Variants in TMEM80 observed in about 807,000 individuals in gnomAD.
The protein encoded by TMEM80 is transmembrane protein 80.
In TMEM80, 16 loss-of-function variants were observed where a neutral mutation model predicts 13.6. The ratio of observed to expected loss-of-function variants is 1.17; its 90% confidence interval spans 0.79 to 1.78. The LOEUF (loss-of-function observed/expected upper bound fraction) is 1.78, where lower values mean the gene tolerates loss of function less well. TMEM80 is among the 40% of genes most tolerant of loss of function. TMEM80 has a pLI of 0.00. For synonymous variants in TMEM80, 92 were observed against 89.5 expected (o/e 1.03, Z -0.16); for missense variants, 167 against 184.6 (o/e 0.90, Z 0.55).
chr11:699,038 T>A, intron 2 of TMEM80, 150 bp downstream of exon 2: 1 of 895,392 alleles, frequency 1.1e-6, no homozygotes, highest in Non-Finnish European at 1.8e-6. Context: ...ATTTAGAGAG[T>A]TGATGTAACT....
chr11:697,527 C>T (rs1861254127), intron 1 of TMEM80: 1 of 152,222 alleles, frequency 6.6e-6, no homozygotes, highest in Admixed American at 6.5e-5. Context: ...AATGTTACAT[C>T]ACTTAAGGCT....
Position 703,544 on chromosome 11 carries a change from C to A in TMEM80, c.*394C>A, listed in dbSNP as rs1861595473. Reference sequence around the variant, plus strand: ...CTCATCTCACTGCATCCCCCATCACCCCCTAGTTCCCCAATGGTCCTAATT... The same window carrying A: ...CTCATCTCACTGCATCCCCCATCACACCCTAGTTCCCCAATGGTCCTAATT... On this transcript the variant is annotated 3_prime_UTR_variant, in exon 5 of 5. Transcript: ENST00000397510. 2 of 1,234,100 alleles carry A rather than the reference C, an allele frequency of 1.6e-6. No individual in the cohort carries two copies. Among genetic ancestry groups the A allele is most frequent in the South Asian group, 4.1e-5 (1 of 24,562 alleles). The allele number at this position is 1,234,100 out of a possible 1,614,324, so 76.4% of individuals were successfully genotyped here.
intron 1 of TMEM80, 89 bp downstream of exon 1, chr11:695,935 C>T (rs1861124462): frequency 2.0e-6 from 2 of 1,015,762 alleles, no homozygotes; most frequent in Admixed American, 8.6e-5. Flanking sequence ...GCTTTCGGTG[C>T]GCTCACGGGG....
chr11:700,834 G>T lies in TMEM80; in HGVS notation c.226+127G>T, dbSNP rs115853531. On this transcript the variant is annotated intron_variant, in intron 4 of 4. Transcript: ENST00000397510. ...ATTTTTTATCCAAACTGCTTACCCA[G>T]TTGCTTTGCAGGCTCACCTTACAGT... is the stretch of plus-strand genomic sequence containing the variant. 1,866 of 913,384 alleles carry T rather than the reference G, an allele frequency of 2.0e-3. 28 individuals carry two copies. In the African/African-American group the frequency reaches 0.028, roughly 13 times the overall value. The allele number at this position is 913,384 out of a possible 1,614,324, so 56.6% of individuals were successfully genotyped here.
intron 1 of TMEM80, among the ~76,000 whole-genome samples, chr11:697,087 C>T (rs1312643220): frequency 7.7e-6 from 1 of 129,548 alleles, no homozygotes; most frequent in African/African-American, 2.9e-5. Flanking sequence ...GCAACAAGAG[C>T]GAAATTCTGT....
upstream of TMEM80, chr11:695,682 C>T: frequency 8.0e-7 from 1 of 1,244,366 alleles, no homozygotes; most frequent in East Asian, 3.2e-5. Context: ...ACTAATCGGG[C>T]CTCGGCCGTG....
At position 696,110 on chromosome 11, in the gene TMEM80, C is replaced by T. The variant is rs1861140908; in HGVS notation, c.19+264C>T. 1.3e-5 allele frequency among the ~76,000 whole-genome samples: 2 copies of T among 152,098 alleles called. 1 individual carries two copies. Among genetic ancestry groups the T allele is most frequent in the African/African-American group, 4.8e-5 (2 of 41,422 alleles). The stretch of plus-strand genomic sequence containing the variant: ...GCGGAGCGGCTCTGGGGGCCCCAGT[C>T]CCCGGCAGCTCTTGTCCCGCGCGTG... On this transcript the variant is annotated intron_variant, in intron 1 of 4. Transcript: ENST00000397510.
chr11:703,663 G>C lies in TMEM80; in HGVS notation c.*513G>C. The C allele has an allele frequency of 8.1e-7, 1 of 1,232,498 alleles. No homozygotes were observed. The highest frequency in any genetic ancestry group is 1.0e-6 in the Non-Finnish European group (1 of 988,494). The allele number at this position is 1,232,498 out of a possible 1,614,324, so 76.3% of individuals were successfully genotyped here. A position where few individuals can be genotyped will look rare whatever the true frequency, so the allele number is the denominator to read the frequency against. ...CAGGATGGGGTAGGCCTTGTGCTCT[G>C]AGCAACCCCAGCTCTGCCTCACAGG... On this transcript the variant is annotated 3_prime_UTR_variant, in exon 5 of 5. Coordinates refer to ENST00000397510, the MANE Select transcript of TMEM80 (RefSeq NM_001042463.3).
At chr11:695,962 A>C (rs1861127608) in intron 1 of TMEM80, 116 bp downstream of exon 1, 1 of 827,110 alleles carries the variant, frequency 1.2e-6, no homozygotes, top group Non-Finnish European at 1.6e-6. Context: ...CACCGTCTCT[A>C]CGTGAGCGAG....
At chr11:704,497 G>T, downstream of TMEM80, 1 of 1,289,250 alleles carries the variant, frequency 7.8e-7, no homozygotes, top group South Asian at 1.2e-5. Context: ...ACCAGCGCCT[G>T]AGCGCCTCGG....
chr11:704,787 C>A, downstream of TMEM80: 1 of 572,368 alleles, frequency 1.7e-6, no homozygotes, highest in Non-Finnish European at 2.7e-6. Context: ...GCAGGCTCCG[C>A]ACTCAAAATC....
intron 1 of TMEM80, 41 bp downstream of exon 1, chr11:695,887 C>T (rs1469837756): frequency 4.1e-6 from 5 of 1,217,526 alleles, no homozygotes; most frequent in East Asian, 3.2e-5. Context: ...CTTGCAGCGG[C>T]GGGCGCGGCG....
chr11:696,416 G>A (rs966900052), intron 1 of TMEM80, among the ~76,000 whole-genome samples: 3 of 152,214 alleles, frequency 2.0e-5, no homozygotes, highest in Non-Finnish European at 4.4e-5. Context: ...AAGGAATAAA[G>A]AATGGCTACT....
intron 1 of TMEM80, among the ~76,000 whole-genome samples, chr11:698,523 G>A (rs1454601864): frequency 5.9e-5 from 9 of 152,148 alleles, no homozygotes; most frequent in Admixed American, 3.9e-4. Flanking sequence ...AGCCACAGAC[G>A]GTGAGCCACA....
Position 700,214 on chromosome 11 carries a change from C to G in TMEM80, c.112C>G (p.Leu38Val). ...TYYALYFLAT[L>V]LMITYKSQVF... ...CTACGCCCTGTATTTCCTCGCCACGCTCCTGATGATCACGTATAAAAGTAA... is the reference window on the plus strand; with the variant it reads ...CTACGCCCTGTATTTCCTCGCCACGGTCCTGATGATCACGTATAAAAGTAA... The change falls in exon 3 of 5, where the codon CTC becomes GTC. Residue 38 changes from leucine (L) to valine (V), a missense_variant. Transcript: ENST00000397510. 1 of 1,613,930 alleles carries G rather than the reference C, an allele frequency of 6.2e-7. No individual in the cohort carries two copies. The highest frequency in any genetic ancestry group is 8.5e-7 in the Non-Finnish European group (1 of 1,179,970).
At position 703,777 on chromosome 11, in the gene TMEM80, C is replaced by T; in HGVS notation, c.*627C>T. On this transcript the variant is annotated 3_prime_UTR_variant, in exon 5 of 5. Transcript: ENST00000397510. ...AGCTCTGCTGCCTAGCAATTTCCAT[C>T]TTAGCCACACTTCTCCCTTCAGGGG... The T allele has an allele frequency of 1.6e-6, 2 of 1,233,132 alleles. No homozygotes were observed. The highest frequency in any genetic ancestry group is 4.1e-5 in the South Asian group (1 of 24,374). 76.4% of individuals were successfully genotyped at this position (1,233,132 alleles called of 1,614,324 possible). A position where few individuals can be genotyped will look rare whatever the true frequency, so the allele number is the denominator to read the frequency against.
chr11:704,287 G>A (rs1428068485), downstream of TMEM80, among the ~76,000 whole-genome samples: 2 of 152,092 alleles, frequency 1.3e-5, no homozygotes, highest in African/African-American at 4.8e-5. Context: ...AGGGCAGGAG[G>A]CTGCGGGACT....
downstream of TMEM80, chr11:704,448 C>T (rs1310763715): frequency 8.5e-6 from 11 of 1,289,170 alleles, no homozygotes; most frequent in African/African-American, 1.5e-5. Context: ...CCAGTGGCCA[C>T]GGTGAGCTGC....
rs1353963167 is a variant in TMEM80 at position 702,997 on chromosome 11, C to G, written c.279C>G (p.Ala93=). 1 of 1,612,004 alleles carries G rather than the reference C, an allele frequency of 6.2e-7. No homozygotes were observed. The highest frequency in any genetic ancestry group is 1.1e-5 in the South Asian group (1 of 90,976). ...AGAGGCCGCTGGCCGCCAGCCTGGCCCTCACGGCTGGCACCGCCCTCCTCT... is the reference window on the plus strand; with the variant it reads ...AGAGGCCGCTGGCCGCCAGCCTGGCGCTCACGGCTGGCACCGCCCTCCTCT... ...EAERPLAASL[A]LTAGTALLSA... Residue 93 remains alanine, a synonymous_variant, in exon 5 of 5, where the codon GCC becomes GCG. Transcript: ENST00000397510.
Sources: gnomAD v4.1 joint callset for allele counts (sites outside exome capture counted in the v4.1 genomes callset) on GRCh38, gnomAD v4.1.1 for gene constraint, MANE v1.5 for transcripts, NCBI Gene and HGNC (gene_info 2026-07-23, HGNC 2026-07-21) for gene names.